The following PPFIA2 variants were observed in gnomAD, a reference collection of about 807,000 sequenced individuals.
PPFIA2 encodes the protein liprin-alpha-2.
A neutral mutation model predicts 175.5 loss-of-function variants in PPFIA2; 46 were observed. The ratio of observed to expected loss-of-function variants is 0.26; its 90% CI spans 0.21 to 0.34. The LOEUF (loss-of-function observed/expected upper bound fraction) is 0.34. Ranked by LOEUF, PPFIA2 falls within the 10% of genes least tolerant of loss-of-function variation. The pLI, the probability that PPFIA2 is intolerant of heterozygous loss-of-function variation, is 1.00. For missense variants in PPFIA2, 1,179 were observed against 1,506.1 expected, an observed-to-expected ratio of 0.78 and a Z score of 3.60; for synonymous variants, 568 against 511.4, an observed-to-expected ratio of 1.11 and a Z score of -1.49.
intron 22 of PPFIA2, among the ~76,000 whole-genome samples, chr12:81,310,702 G>A (rs1220484308): frequency 6.6e-6 from 1 of 152,086 alleles, no homozygotes; most frequent in Non-Finnish European, 1.5e-5. Context: ...TGGCCAACAT[G>A]GTTGACGAGT....
intron 4 of PPFIA2, among the ~76,000 whole-genome samples, chr12:81,580,327 G>A (rs1320869974): frequency 6.6e-6 from 1 of 151,688 alleles, no homozygotes; most frequent in Non-Finnish European, 1.5e-5. Flanking sequence ...CCCTTGTCCA[G>A]AAGGTGGTAA....
rs80022433 is a variant in PPFIA2, at chr12:81,340,117, C to T, written c.2394-783G>A. On this transcript the variant is annotated intron_variant, in intron 20 of 32. Transcript: ENST00000549396. ...TTACTCATGTGAATTAATTTGAACT[C>T]ACATTCCCTAACCTTCAAGCAATAG... is the stretch of plus-strand genomic sequence containing the variant. Among the ~76,000 whole-genome samples, 402 of 152,168 alleles carry T rather than the reference C, an allele frequency of 2.6e-3. 4 individuals carry two copies. In the East Asian group the frequency reaches 0.058, roughly 22 times the overall value.
At chr12:81,320,061 T>C (rs1369204394) in intron 22 of PPFIA2, among the ~76,000 whole-genome samples, 1 of 152,010 alleles carries the variant, frequency 6.6e-6, no homozygotes, top group Non-Finnish European at 1.5e-5. Flanking sequence ...AAAGTTTAAT[T>C]TGGCATATAG....
intron 7 of PPFIA2, among the ~76,000 whole-genome samples, chr12:81,422,114 G>GTA (rs2046359948): frequency 7.0e-6 from 1 of 143,410 alleles, no homozygotes; most frequent in South Asian, 2.2e-4. Flanking sequence ...ATATATATGT[G>GTA]TATATATATG....
At chr12:81,741,544 C>T (rs1375900719) in intron 3 of PPFIA2, among the ~76,000 whole-genome samples, 1 of 152,064 alleles carries the variant, frequency 6.6e-6, no homozygotes, top group African/African-American at 2.4e-5. Flanking sequence ...CAACCTGGGG[C>T]CCACAGGCCA....
chr12:81,444,460 A>G (rs2050842769), intron 6 of PPFIA2, among the ~76,000 whole-genome samples: 2 of 152,174 alleles, frequency 1.3e-5, no homozygotes, highest in South Asian at 2.1e-4. Flanking sequence ...TGAATATTAA[A>G]TAATTATTTG....
chr12:81,583,306 A>T (rs1231775623), intron 4 of PPFIA2, among the ~76,000 whole-genome samples: 1 of 151,814 alleles, frequency 6.6e-6, no homozygotes, highest in Non-Finnish European at 1.5e-5. Flanking sequence ...TTGTTTCAAA[A>T]TGCTTTCTAT....
chr12:81,515,939 C>T (rs975135276), intron 4 of PPFIA2, among the ~76,000 whole-genome samples: 1 of 150,690 alleles, frequency 6.6e-6, no homozygotes, highest in South Asian at 2.1e-4. Context: ...ACATCATATA[C>T]TTGGAAAGAC....
chr12:81,736,022 G>T (rs1227477837), intron 3 of PPFIA2, among the ~76,000 whole-genome samples: 1 of 151,746 alleles, frequency 6.6e-6, no homozygotes, highest in African/African-American at 2.4e-5. Flanking sequence ...TTTTGTTAAT[G>T]TTTTTCAAGA....
chr12:81,607,064 T>C (rs1454459042), intron 4 of PPFIA2, among the ~76,000 whole-genome samples: 1 of 152,074 alleles, frequency 6.6e-6, no homozygotes, highest in Admixed American at 6.6e-5. Context: ...ATTAATTGAA[T>C]AGGGAGTCAC....
intron 3 of PPFIA2, among the ~76,000 whole-genome samples, chr12:81,721,241 C>G (rs1402784031): frequency 6.6e-6 from 1 of 151,186 alleles, no homozygotes; most frequent in Non-Finnish European, 1.5e-5. Flanking sequence ...AGAGGTTTTC[C>G]TAGAAAAATT....
At chr12:81,718,662 A>G (rs773890660) in intron 3 of PPFIA2, among the ~76,000 whole-genome samples, 18 of 151,676 alleles carry the variant, frequency 1.2e-4, no homozygotes, top group Non-Finnish European at 2.5e-4. Flanking sequence ...AGAGTTCTAA[A>G]ATGTATGGAA....
At chr12:81,589,254 T>C (rs1023634476) in intron 4 of PPFIA2, among the ~76,000 whole-genome samples, 1 of 152,072 alleles carries the variant, frequency 6.6e-6, no homozygotes, top group African/African-American at 2.4e-5. Flanking sequence ...GGAAGAGTTA[T>C]AACTTCCTAT....
chr12:81,530,701 T>G (rs903765010), intron 4 of PPFIA2, among the ~76,000 whole-genome samples: 1 of 149,566 alleles, frequency 6.7e-6, no homozygotes, highest in Non-Finnish European at 1.5e-5. Flanking sequence ...TAGTACACAG[T>G]AAATAGTAAG....
chr12:81,445,414 TA>T, intron 6 of PPFIA2, 141 bp downstream of exon 6: 4 of 724,520 alleles, frequency 5.5e-6, no homozygotes, highest in Non-Finnish European at 8.8e-6. Context: ...TTTTCACTTT[TA>T]AAAAATGATT....
intron 4 of PPFIA2, among the ~76,000 whole-genome samples, chr12:81,590,675 G>A (rs565038751): frequency 2.0e-5 from 3 of 152,070 alleles, no homozygotes; most frequent in African/African-American, 4.8e-5. Flanking sequence ...TGAGTCTCAC[G>A]AGATCTGATG....
intron 4 of PPFIA2, among the ~76,000 whole-genome samples, chr12:81,458,718 G>T (rs1248554012): frequency 1.3e-5 from 2 of 151,888 alleles, no homozygotes; most frequent in Non-Finnish European, 2.9e-5. Flanking sequence ...ACACAGAAAA[G>T]GTTATTTAAT....
chr12:81,754,959 G>C (rs1322955175), intron 2 of PPFIA2, among the ~76,000 whole-genome samples: 2 of 151,878 alleles, frequency 1.3e-5, no homozygotes. Context: ...AATAAACTGA[G>C]GTATATAAAT....
intron 5 of PPFIA2, among the ~76,000 whole-genome samples, chr12:81,456,078 C>T (rs2053526637): frequency 1.3e-5 from 2 of 152,170 alleles, no homozygotes; most frequent in South Asian, 2.1e-4. Flanking sequence ...CAGCTTTCTG[C>T]TCCTACTTTT....
Sources: gnomAD v4.1 joint callset for allele counts (sites outside exome capture counted in the v4.1 genomes callset) on GRCh38, gnomAD v4.1.1 for gene constraint, MANE v1.5 for transcripts, NCBI Gene and HGNC (gene_info 2026-07-23, HGNC 2026-07-21) for gene names.